The following FEZ2 variants were observed in gnomAD, a reference collection of about 807,000 sequenced individuals.
The protein encoded by FEZ2 is fasciculation and elongation protein zeta-2.
A neutral mutation model predicts 40.4 loss-of-function variants in FEZ2; 51 were observed. The ratio of observed to expected loss-of-function variants is 1.26; its 90% CI spans 1.01 to 1.59. FEZ2 has a LOEUF of 1.59. Among genes scored for constraint, FEZ2 ranks in the 40% most tolerant of loss-of-function variants. The pLI, the probability that FEZ2 is intolerant of heterozygous loss-of-function variation, is 0.00. For missense variants in FEZ2, 640 were observed against 438.3 expected, an observed-to-expected ratio of 1.46 and a Z score of -4.11; for synonymous variants, 242 against 172.0, an observed-to-expected ratio of 1.41 and a Z score of -3.18.
At chr2:36,571,570 G>A (rs1023006257) in intron 5 of FEZ2, among the ~76,000 whole-genome samples, 7 of 151,888 alleles carry the variant, frequency 4.6e-5, no homozygotes, top group Admixed American at 1.3e-4. Context: ...CAGGAGAACC[G>A]CTTGAACCCA....
chr2:36,560,755 A>T, intron 5 of FEZ2: 1 of 1,416,468 alleles, frequency 7.1e-7, no homozygotes, highest in Non-Finnish European at 9.9e-7. Flanking sequence ...GAAAAAGCAG[A>T]GAATGAGGAA....
At chr2:36,555,826 G>A in intron 6 of FEZ2, 78 bp from the exon 7 acceptor site, 1 of 829,470 alleles carries the variant, frequency 1.2e-6, no homozygotes, top group South Asian at 1.8e-5. Context: ...AATCATTGTG[G>A]CCTTAATCTT....
chr2:36,581,425 C>G lies in FEZ2; in HGVS notation c.499G>C (p.Glu167Gln). The G allele has an allele frequency of 6.2e-7, 1 of 1,613,490 alleles. No individual in the cohort carries two copies. Among genetic ancestry groups the G allele is most frequent in the Non-Finnish European group, 8.5e-7 (1 of 1,179,474 alleles). Reference sequence around the variant, plus strand: ...TCCTGCATCATTTCTTCAATTTCTTCAATAACCTTCGAAAACACACACACC... The same window carrying G: ...TCCTGCATCATTTCTTCAATTTCTTGAATAACCTTCGAAAACACACACACC... ...EPLFTADQVI[E>Q]EIEEMMQESP... Residue 167 changes from glutamate (E) to glutamine (Q), a missense_variant, in exon 4 of 8, where the codon GAA becomes CAA. By Grantham distance (29) the Glu-to-Gln change is conservative (BLOSUM62 2). Transcript: ENST00000405912.
intron 5 of FEZ2, among the ~76,000 whole-genome samples, chr2:36,566,294 C>T (rs559653872): frequency 6.6e-6 from 1 of 150,642 alleles, no homozygotes; most frequent in Non-Finnish European, 1.5e-5. Flanking sequence ...GAGCCGAGAT[C>T]GCGCCACTGC....
At chr2:36,561,383 C>A (rs549548119) in intron 5 of FEZ2, 1 of 152,312 alleles carries the variant, frequency 6.6e-6, no homozygotes, top group African/African-American at 2.4e-5. Context: ...GGGCCACCTG[C>A]CACTGCCTTG....
At chr2:36,569,571 C>G (rs1028995555) in intron 5 of FEZ2, among the ~76,000 whole-genome samples, 3 of 152,140 alleles carry the variant, frequency 2.0e-5, no homozygotes, top group Non-Finnish European at 4.4e-5. Flanking sequence ...TAAAAGTGAA[C>G]AAGAATCAGA....
chr2:36,590,550 C>A, intron 2 of FEZ2: 1 of 177,534 alleles, frequency 5.6e-6, no homozygotes, highest in Non-Finnish European at 1.2e-5. Flanking sequence ...TGCCTGTAAT[C>A]CCAGCTACTC....
chr2:36,559,516 A>G (rs1451226455), intron 5 of FEZ2, among the ~76,000 whole-genome samples: 2 of 152,228 alleles, frequency 1.3e-5, no homozygotes, highest in African/African-American at 2.4e-5. Context: ...CTGGATCCCT[A>G]AGTCCAGAAA....
intron 5 of FEZ2, among the ~76,000 whole-genome samples, chr2:36,575,187 C>T (rs1177802078): frequency 6.6e-6 from 1 of 152,082 alleles, no homozygotes; most frequent in African/African-American, 2.4e-5. Flanking sequence ...CTATTCTATT[C>T]ACCACTGTGG....
intron 2 of FEZ2, among the ~76,000 whole-genome samples, chr2:36,583,732 G>A (rs848618): frequency 5.9e-5 from 9 of 152,182 alleles, no homozygotes; most frequent in African/African-American, 9.6e-5. Flanking sequence ...AAAAAAATAC[G>A]GTATTCATTA....
intron 5 of FEZ2, among the ~76,000 whole-genome samples, chr2:36,566,239 C>A (rs962287767): frequency 6.6e-6 from 1 of 151,840 alleles, no homozygotes; most frequent in African/African-American, 2.4e-5. Context: ...ACTCGGGAGG[C>A]TGAGGCAGGA....
chr2:36,573,252 C>G (rs1459778749), intron 5 of FEZ2, among the ~76,000 whole-genome samples: 1 of 152,206 alleles, frequency 6.6e-6, no homozygotes, highest in African/African-American at 2.4e-5. Flanking sequence ...CAGAGGGTAA[C>G]TATTCCATTT....
At chr2:36,597,352 C>T (rs1330131369) in intron 1 of FEZ2, among the ~76,000 whole-genome samples, 1 of 152,222 alleles carries the variant, frequency 6.6e-6, no homozygotes, top group African/African-American at 2.4e-5. Flanking sequence ...AAGTCTCTCA[C>T]ATTTGGTACA....
Position 36,552,652 on chromosome 2 carries a change from T to C in FEZ2, c.*511A>G, listed in dbSNP as rs1031515452. 2.5e-5 allele frequency: 5 copies of C among 200,928 alleles called. No homozygotes were observed. The highest frequency in any genetic ancestry group is 1.2e-4 in the African/African-American group (5 of 42,080). 12.4% of individuals were successfully genotyped at this position (200,928 alleles called of 1,614,324 possible). On this transcript the variant is annotated 3_prime_UTR_variant, in exon 8 of 8. Coordinates refer to ENST00000405912, the MANE Select transcript of FEZ2 (RefSeq NM_005102.3). ...CTAAGTATTAAACCAAAGTAATGCATATTCTGGTTTTGCTTCTTCAAGAAC... is the reference window on the plus strand; with the variant it reads ...CTAAGTATTAAACCAAAGTAATGCACATTCTGGTTTTGCTTCTTCAAGAAC...
chr2:36,559,020 C>A (rs1668026890), intron 5 of FEZ2: 1 of 152,226 alleles, frequency 6.6e-6, no homozygotes. Flanking sequence ...AAAACACACA[C>A]TAGCTTCTTT....
Position 36,595,948 on chromosome 2 carries a change from CTAAT to C in FEZ2, c.266+1925_266+1928del, listed in dbSNP as rs571638453. ...CTCTTAACGATCTACGTACAATCCTCTAATTGATTTAAGTCAGCTACTCTTGAAA... is the reference window on the plus strand; with the variant it reads ...CTCTTAACGATCTACGTACAATCCTCTGATTTAAGTCAGCTACTCTTGAAA... On this transcript the variant is annotated intron_variant, in intron 1 of 7. Coordinates refer to ENST00000405912, the MANE Select transcript of FEZ2 (RefSeq NM_005102.3). Among the ~76,000 whole-genome samples, 6 of 152,334 alleles carry C rather than the reference CTAAT, an allele frequency of 3.9e-5. No individual in the cohort carries two copies. In the East Asian group the frequency reaches 7.7e-4, roughly 20 times the overall value.
chr2:36,590,996 C>A lies in FEZ2; in HGVS notation c.282G>T (p.Leu94=), dbSNP rs746729508. 3 of 1,604,006 alleles carry A rather than the reference C, an allele frequency of 1.9e-6. No homozygotes were observed. In the South Asian group the frequency reaches 3.3e-5, roughly 18 times the overall value. The change falls in exon 2 of 8, where the codon CTG becomes CTT. Residue 94 remains leucine, a synonymous_variant. Transcript: ENST00000405912. ...GCATCACATTCCCATAATTATCTGT[C>A]AGGGCATTCCAAATCCTTAAAAAGA... The part of the protein sequence containing the change: ...LLQGDEIWNA[L]TDNYGNVMPV...
At chr2:36,567,451 A>T (rs1315195063) in intron 5 of FEZ2, among the ~76,000 whole-genome samples, 3 of 152,154 alleles carry the variant, frequency 2.0e-5, no homozygotes, top group Non-Finnish European at 4.4e-5. Context: ...AACATAAAAC[A>T]ATGGAGTGAC....
At chr2:36,597,081 G>A (rs1396370795) in intron 1 of FEZ2, among the ~76,000 whole-genome samples, 1 of 151,984 alleles carries the variant, frequency 6.6e-6, no homozygotes, top group East Asian at 1.9e-4. Context: ...CAGACCATGC[G>A]ATCGTTACCA....
Sources: allele counts gnomAD v4.1 joint callset (sites outside exome capture counted in the v4.1 genomes callset), GRCh38; gene constraint gnomAD v4.1.1; transcripts MANE v1.5; gene names NCBI Gene and HGNC (gene_info 2026-07-23, HGNC 2026-07-21).